The following ZYG11A variants were observed in gnomAD, a reference collection of about 807,000 sequenced individuals.
ZYG11A encodes protein zyg-11 homolog A.
Under a neutral mutation model 77.2 loss-of-function variants are expected in ZYG11A, and 62 were observed. The observed-to-expected ratio is 0.80, with a 90% CI of 0.65 to 0.99. The LOEUF is 0.99. Ranked by LOEUF, ZYG11A falls within the 50% of genes least tolerant of loss-of-function variation. The pLI, the probability that ZYG11A is intolerant of heterozygous loss-of-function variation, is 0.00. For missense variants in ZYG11A, 828 were observed against 896.8 expected (o/e 0.92, Z 0.98); for synonymous variants, 315 against 324.6 (o/e 0.97, Z 0.32).
Position 52,860,752 on chromosome 1 carries a change from A to T in ZYG11A, c.1030A>T (p.Ser344Cys), listed in dbSNP as rs1287003739. ...GLRVAGGASMSQISEALSRYR... is the reference protein window; with the variant it reads ...GLRVAGGASMCQISEALSRYR... ...TCAGGTTGCTGGAGGAGCCAGTATG[A>T]GTCAGATTTCAGAAGCACTGAGCCG... Residue 344 changes from serine (S) to cysteine (C), a missense_variant, in exon 4 of 14, where the codon AGT (serine) becomes TGT (cysteine). Ser to Cys is a moderately radical substitution (Grantham distance 112, BLOSUM62 -1). Coordinates refer to ENST00000371528, the MANE Select transcript of ZYG11A (RefSeq NM_001004339.3). The T allele has an allele frequency of 4.5e-6, 7 of 1,551,692 alleles. No individual in the cohort carries two copies. The highest frequency in any genetic ancestry group is 6.1e-6 in the Non-Finnish European group (7 of 1,146,986).
chr1:52,877,958 CT>C lies in ZYG11A; in HGVS notation c.1740del (p.Gly581ValfsTer3). On this transcript the variant is annotated frameshift_variant, in exon 10 of 14. Coordinates refer to ENST00000371528, the MANE Select transcript of ZYG11A (RefSeq NM_001004339.3). LOFTEE classifies it high-confidence loss of function. Reference protein sequence around the residue: ...FSESAIQSKVLGLLNNIAEVR... With the variant: ...FSESAIQSKVXGLLNNIAEVR... Reference sequence around the variant, plus strand: ...AGAGTCAGCAATACAAAGCAAAGTACTTGGTCTTTTGGTAAGGTGAATTGTT... The same window carrying C: ...AGAGTCAGCAATACAAAGCAAAGTACTGGTCTTTTGGTAAGGTGAATTGTT... 2.6e-6 allele frequency: 4 copies of C among 1,551,410 alleles called. No homozygotes were observed. The highest frequency in any genetic ancestry group is 3.5e-6 in the Non-Finnish European group (4 of 1,146,910).
At chr1:52,860,490 G>T (rs540648139) in intron 3 of ZYG11A, among the ~76,000 whole-genome samples, 1 of 152,148 alleles carries the variant, frequency 6.6e-6, no homozygotes, top group South Asian at 2.1e-4. Flanking sequence ...TAGAGATGGG[G>T]TTTCACCATA....
At chr1:52,885,559 C>T (rs1388046864) in intron 11 of ZYG11A, among the ~76,000 whole-genome samples, 4 of 152,106 alleles carry the variant, frequency 2.6e-5, no homozygotes, top group Non-Finnish European at 5.9e-5. Context: ...ACCATTTTTC[C>T]ATGTGCATTG....
At chr1:52,843,688 C>CTTTTTTTTT (rs71044427) in intron 1 of ZYG11A, among the ~76,000 whole-genome samples, 2 of 130,516 alleles carry the variant, frequency 1.5e-5, no homozygotes, top group Admixed American at 7.8e-5. Context: ...TTCTTTCTTT[C>CTTTTTTTTT]TTTTTTTTTT....
chr1:52,877,788 C>A lies in ZYG11A; in HGVS notation c.1649C>A (p.Ala550Asp). 6.4e-7 allele frequency: 1 copy of A among 1,551,774 alleles called. No individual in the cohort carries two copies. The stretch of plus-strand genomic sequence containing the variant: ...AATCTTACAGATGGGTCTCCAGCTG[C>A]CTGCAAGCACTTCATTGAAAATCAA... ...LWNLTDGSPAACKHFIENQGL... is the reference protein window; with the variant it reads ...LWNLTDGSPADCKHFIENQGL... The change falls in exon 9 of 14, where the codon GCC (alanine) becomes GAC (aspartate). Residue 550 changes from alanine to aspartate, a missense_variant. Coordinates refer to ENST00000371528, the MANE Select transcript of ZYG11A (RefSeq NM_001004339.3).
rs531804036 is a variant in ZYG11A at position 52,863,611 on chromosome 1, T to A, written c.1150-370T>A. ...TTTTATTTTTTGGCATTTCTCACAG[T>A]GTTATTACTGTCACAAGGCTTTATG... On this transcript the variant is annotated intron_variant, in intron 4 of 13. Coordinates refer to ENST00000371528, the MANE Select transcript of ZYG11A (RefSeq NM_001004339.3). 2.0e-5 allele frequency among the ~76,000 whole-genome samples: 3 copies of A among 152,380 alleles called. No homozygotes were observed. In the East Asian group the frequency reaches 5.8e-4, roughly 29 times the overall value.
chr1:52,872,229 G>A (rs1055950336), intron 8 of ZYG11A, among the ~76,000 whole-genome samples: 2 of 152,226 alleles, frequency 1.3e-5, no homozygotes, highest in Non-Finnish European at 1.5e-5. Flanking sequence ...AGCCTCCCAA[G>A]TAACTGGGAT....
chr1:52,870,538 G>A (rs1290446964), intron 8 of ZYG11A, among the ~76,000 whole-genome samples: 2 of 152,296 alleles, frequency 1.3e-5, no homozygotes, highest in Non-Finnish European at 2.9e-5. Flanking sequence ...GTAGTGAGCC[G>A]AGATCACGCC....
chr1:52,876,800 T>C (rs1467430040), intron 8 of ZYG11A, among the ~76,000 whole-genome samples: 1 of 152,244 alleles, frequency 6.6e-6, no homozygotes, highest in Admixed American at 6.5e-5. Flanking sequence ...CTTGAAAATA[T>C]ACATTCTGAT....
chr1:52,844,703 T>TC (rs1295088299), intron 1 of ZYG11A, among the ~76,000 whole-genome samples: 1 of 151,924 alleles, frequency 6.6e-6, no homozygotes, highest in African/African-American at 2.4e-5. Context: ...GTAAATACTT[T>TC]TTTTTTTTGA....
Position 52,878,778 on chromosome 1 carries a change from A to C in ZYG11A, c.1749+809A>C, listed in dbSNP as rs549367869. On this transcript the variant is annotated intron_variant, in intron 10 of 13. Coordinates refer to ENST00000371528, the MANE Select transcript of ZYG11A (RefSeq NM_001004339.3). The stretch of plus-strand genomic sequence containing the variant: ...ACATGGTGAAACCCTGTCTCTACTA[A>C]AAATACAAAAATTAGCTGGGCATGG... Among the ~76,000 whole-genome samples, 17 of 152,028 alleles carry C rather than the reference A, an allele frequency of 1.1e-4. No homozygotes were observed. The East Asian group carries it at 3.3e-3, about 29-fold the overall frequency.
intron 1 of ZYG11A, among the ~76,000 whole-genome samples, chr1:52,850,620 TA>T (rs1213359575): frequency 6.6e-6 from 1 of 151,916 alleles, no homozygotes; most frequent in African/African-American, 2.4e-5. Flanking sequence ...GCCCAACTTC[TA>T]ATTTTTGTAT....
At chr1:52,886,699 ATTTTTTTTTTTTTTTT>A (rs386366962) in intron 12 of ZYG11A, among the ~76,000 whole-genome samples, 2 of 69,138 alleles carry the variant, frequency 2.9e-5, no homozygotes, top group East Asian at 7.3e-4. Context: ...GGCCCAGCTA[ATTTTTTTTTTTTTTTT>A]TTTTTTTTTT....
chr1:52,885,310 T>TTTTTGTTTTGTTTTG lies in ZYG11A; in HGVS notation c.1945-512_1945-511insTTTGTTTTGTTTTGT, dbSNP rs58059629. ...GGGTTCTCTTCAAATTGGTTTGTGT[T>TTTTTGTTTTGTTTTG]TTTTGTTTTGTGTTTTGTTTTTTGG... is the stretch of plus-strand genomic sequence containing the variant. On this transcript the variant is annotated intron_variant, in intron 11 of 13. Transcript: ENST00000371528. Among the ~76,000 whole-genome samples, 4 of 150,648 alleles carry TTTTTGTTTTGTTTTG rather than the reference T, an allele frequency of 2.7e-5. No individual in the cohort carries two copies. In the South Asian group the frequency reaches 8.4e-4, roughly 31 times the overall value.
intron 12 of ZYG11A, 127 bp from the exon 13 acceptor site, chr1:52,886,829 G>T (rs1646461063): frequency 8.4e-6 from 2 of 237,346 alleles, no homozygotes; most frequent in East Asian, 1.7e-4. Context: ...TTACAGGCAT[G>T]AGCCACCATG....
chr1:52,879,021 G>A (rs1646316054), intron 10 of ZYG11A, among the ~76,000 whole-genome samples: 1 of 147,250 alleles, frequency 6.8e-6, no homozygotes, highest in Non-Finnish European at 1.5e-5. Context: ...CAGACCCTCT[G>A]ATATTAATCA....
At chr1:52,858,222 C>G (rs1347431633) in intron 3 of ZYG11A, among the ~76,000 whole-genome samples, 1 of 149,180 alleles carries the variant, frequency 6.7e-6, no homozygotes, top group Non-Finnish European at 1.5e-5. Flanking sequence ...CATGGTGAAA[C>G]CTGGTCTCTA....
intron 10 of ZYG11A, among the ~76,000 whole-genome samples, chr1:52,880,066 C>CTTTTTTTTTTTT (rs10682296): frequency 9.1e-6 from 1 of 110,132 alleles, no homozygotes; most frequent in Non-Finnish European, 1.8e-5. Flanking sequence ...ACCCAGCCCA[C>CTTTTTTTTTTTT]TTTTTTTTTT....
In ZYG11A at chr1:52,860,790, A is replaced by G. The variant is rs2149998837; in HGVS notation, c.1068A>G (p.Arg356=). ...ISEALSRYRN[R]SCFVKEALHR... Reference sequence around the variant, plus strand: ...AAGCACTGAGCCGATACAGGAACAGATCATGTTTTGTGAAGGAAGCCCTCC... The same window carrying G: ...AAGCACTGAGCCGATACAGGAACAGGTCATGTTTTGTGAAGGAAGCCCTCC... The change falls in exon 4 of 14, where the codon AGA becomes AGG. Residue 356 remains arginine, a synonymous_variant. Transcript: ENST00000371528. The G allele has an allele frequency of 6.4e-7, 1 of 1,551,572 alleles. No individual in the cohort carries two copies. The highest frequency in any genetic ancestry group is 8.7e-7 in the Non-Finnish European group (1 of 1,146,840).
Sources: gnomAD v4.1 joint callset for allele counts (sites outside exome capture counted in the v4.1 genomes callset) on GRCh38, gnomAD v4.1.1 for gene constraint, MANE v1.5 for transcripts, NCBI Gene and HGNC (gene_info 2026-07-23, HGNC 2026-07-21) for gene names.